Variants in ANAPC7 observed in about 807,000 individuals in gnomAD.
ANAPC7 encodes anaphase-promoting complex subunit 7.
Under a neutral mutation model 63.3 loss-of-function variants are expected in ANAPC7, and 25 were observed. That is an observed-to-expected ratio of 0.39 (90% confidence interval 0.29 to 0.55). ANAPC7 has a LOEUF of 0.55. Ranked by LOEUF, ANAPC7 falls within the 20% of genes least tolerant of loss-of-function variation. The pLI is 0.57. For synonymous variants in ANAPC7, 241 were observed against 251.7 expected (o/e 0.96, Z 0.40); for missense variants, 516 against 691.7 (o/e 0.75, Z 2.85).
chr12:110,377,970 G>A (rs1881443441), intron 8 of ANAPC7: 1 of 403,236 alleles, frequency 2.5e-6, no homozygotes, highest in Non-Finnish European at 3.9e-6. Flanking sequence ...GATCAAAGTA[G>A]TGAGAGATGA....
chr12:110,386,316 G>T lies in ANAPC7; in HGVS notation c.817+11C>A, dbSNP rs368232311. The T allele has an allele frequency of 1.2e-6, 2 of 1,613,530 alleles. No individual in the cohort carries two copies. The highest frequency in any genetic ancestry group is 1.3e-5 in the African/African-American group (1 of 74,896). On this transcript the variant is annotated intron_variant, in intron 6 of 10. Coordinates refer to ENST00000455511, the MANE Select transcript of ANAPC7 (RefSeq NM_016238.3). ...AACAGCCACTGTCTTCCTGCCCCAAGAATTACTTACCTTTTATCAGATAAG... is the reference window on the plus strand; with the variant it reads ...AACAGCCACTGTCTTCCTGCCCCAATAATTACTTACCTTTTATCAGATAAG...
At chr12:110,381,431 G>A (rs867427421) in intron 8 of ANAPC7, among the ~76,000 whole-genome samples, 69 of 152,254 alleles carry the variant, frequency 4.5e-4, no homozygotes, top group African/African-American at 1.5e-3. Flanking sequence ...CCGCCTCCCA[G>A]GTTCAAGTGA....
intron 3 of ANAPC7, 85 bp from the exon 4 acceptor site, chr12:110,388,708 A>G (rs1406060584): frequency 1.0e-6 from 1 of 997,486 alleles, no homozygotes; most frequent in African/African-American, 1.6e-5. Context: ...AATTTTCATT[A>G]CCAGTTATTT....
At chr12:110,382,461 A>ATATATATATATATAT (rs1321570855) in intron 7 of ANAPC7, among the ~76,000 whole-genome samples, 3 of 30,838 alleles carry the variant, frequency 9.7e-5, no homozygotes, top group East Asian at 7.2e-4. Flanking sequence ...AAAAAAAAAA[A>ATATATATATATATAT]ATATATATAT....
chr12:110,386,576 A>G lies in ANAPC7; in HGVS notation c.675-107T>C, dbSNP rs972916648. ...AGATACTATTTTCTTTTGCATAAAT[A>G]TAAAATTCTTCGTAATAAAAAACTT... On this transcript the variant is annotated intron_variant, in intron 5 of 10. Transcript: ENST00000455511. 2.7e-6 allele frequency: 3 copies of G among 1,095,720 alleles called. No homozygotes were observed. In the Admixed American group the frequency reaches 7.4e-5, roughly 27 times the overall value. The allele number at this position is 1,095,720 out of a possible 1,614,324, so 67.9% of individuals were successfully genotyped here.
At chr12:110,382,092 T>C (rs1881910605) in intron 7 of ANAPC7, 144 bp from the exon 8 acceptor site, 1 of 824,066 alleles carries the variant, frequency 1.2e-6, no homozygotes, top group South Asian at 2.5e-5. Context: ...TAACCTAAGA[T>C]ATTAGTAGAA....
intron 3 of ANAPC7, among the ~76,000 whole-genome samples, chr12:110,391,903 C>T (rs1260821055): frequency 2.0e-5 from 3 of 151,954 alleles, no homozygotes; most frequent in Non-Finnish European, 4.4e-5. Context: ...ACCATCCTGG[C>T]CAACATGGTG....
chr12:110,375,441 A>C (rs985349858), intron 10 of ANAPC7: 46 of 985,332 alleles, frequency 4.7e-5, no homozygotes, highest in Non-Finnish European at 5.3e-5. Flanking sequence ...CCTTACAGAC[A>C]CACAGACAAC....
At chr12:110,387,591 A>G in intron 5 of ANAPC7, 148 bp downstream of exon 5, 1 of 863,174 alleles carries the variant, frequency 1.2e-6, no homozygotes, top group Non-Finnish European at 1.8e-6. Context: ...ATTTGGGACC[A>G]TTCAGTATAA....
Position 110,387,777 on chromosome 12 carries a change from C to T in ANAPC7, c.636G>A (p.Val212=), listed in dbSNP as rs1341619399. The change falls in exon 5 of 11, where the codon GTG becomes GTA. Residue 212 remains valine, a synonymous_variant. Transcript: ENST00000455511. The part of the protein sequence containing the change: ...LSVWIKAYAF[V]HTGDNSRAIS... The stretch of plus-strand genomic sequence containing the variant: ...TTGCTCTTGAGTTGTCACCAGTGTG[C>T]ACAAAAGCATACGCTTTGATCCACA... 1 of 1,614,016 alleles carries T rather than the reference C, an allele frequency of 6.2e-7. No individual in the cohort carries two copies. Among genetic ancestry groups the T allele is most frequent in the Admixed American group, 1.7e-5 (1 of 59,998 alleles).
In ANAPC7 at chr12:110,403,352, G is replaced by A. The variant is rs1055682889; in HGVS notation, c.101+175C>T. Among the ~76,000 whole-genome samples the A allele has an allele frequency of 3.3e-5, 5 of 152,056 alleles. No individual in the cohort carries two copies. In the East Asian group the frequency reaches 9.7e-4, roughly 29 times the overall value. On this transcript the variant is annotated intron_variant, in intron 1 of 10. Transcript: ENST00000455511. ...GCGGGACTTGACGCCGGCACCCAGT[G>A]AACCCAACTTGCGCTCCGAAGTCTG...
At chr12:110,390,333 C>CA (rs1462109951) in intron 3 of ANAPC7, among the ~76,000 whole-genome samples, 3 of 152,134 alleles carry the variant, frequency 2.0e-5, no homozygotes, top group African/African-American at 4.8e-5. Flanking sequence ...CTCGGCCTCC[C>CA]AAAGTGCTGG....
rs1403249169 is a variant in ANAPC7 at position 110,373,411 on chromosome 12, G to A, written c.*733C>T. ...AATTCTGGGGCTGAATCAATGCATTGCGAATAAGACAAAAATACTAAGAGT... is the reference window on the plus strand; with the variant it reads ...AATTCTGGGGCTGAATCAATGCATTACGAATAAGACAAAAATACTAAGAGT... On this transcript the variant is annotated 3_prime_UTR_variant, in exon 11 of 11. Transcript: ENST00000455511. The A allele has an allele frequency of 6.6e-6, 1 of 152,122 alleles. No homozygotes were observed. Among genetic ancestry groups the A allele is most frequent in the Non-Finnish European group, 1.5e-5 (1 of 68,030 alleles). The allele number at this position is 152,122 out of a possible 1,614,324, so 9.4% of individuals were successfully genotyped here. A position where few individuals can be genotyped will look rare whatever the true frequency, so the allele number is the denominator to read the frequency against.
intron 7 of ANAPC7, among the ~76,000 whole-genome samples, chr12:110,382,436 C>A (rs1272437968): frequency 4.2e-5 from 2 of 47,466 alleles, no homozygotes; most frequent in Non-Finnish European, 7.7e-5. Flanking sequence ...GGCTGATTAT[C>A]CTTTTAAAAA....
intron 6 of ANAPC7, chr12:110,383,193 C>T (rs1433418913): frequency 5.0e-6 from 2 of 401,108 alleles, no homozygotes; most frequent in African/African-American, 2.0e-5. Context: ...AATTCCAGCA[C>T]TTTAAGAAGC....
At chr12:110,401,817 C>CA (rs1192982217) in intron 1 of ANAPC7, among the ~76,000 whole-genome samples, 2 of 151,734 alleles carry the variant, frequency 1.3e-5, no homozygotes, top group African/African-American at 2.4e-5. Flanking sequence ...ACTAAAAATA[C>CA]AAAAAAATTA....
Position 110,381,785 on chromosome 12 carries a change from G to C in ANAPC7, c.1099C>G (p.Arg367Gly). The part of the protein sequence containing the change: ...EAIIHFREAI[R>G]LAPCRLDCYE... ...CAATCTAAGCGACAAGGTGCGAGCC[G>C]TATGGCCTCCCGAAAGTGGATTATT... The change falls in exon 8 of 11, where the codon CGG becomes GGG. Residue 367 changes from arginine (R) to glycine (G), a missense_variant. By Grantham distance (125) the Arg-to-Gly change is moderately radical. This residue lies in a region of ANAPC7 where 199 missense variants were observed against 249.3 expected (regional missense o/e 0.80). Coordinates refer to ENST00000455511, the MANE Select transcript of ANAPC7 (RefSeq NM_016238.3). The C allele has an allele frequency of 1.2e-6, 2 of 1,613,736 alleles. No homozygotes were observed. The highest frequency in any genetic ancestry group is 1.7e-6 in the Non-Finnish European group (2 of 1,180,008).
chr12:110,397,304 C>T (rs1160155171), intron 1 of ANAPC7, among the ~76,000 whole-genome samples: 1 of 152,058 alleles, frequency 6.6e-6, no homozygotes, highest in East Asian at 1.9e-4. Flanking sequence ...CCTGTAACCC[C>T]ACCACTTTGG....
chr12:110,403,642 C>G lies in ANAPC7; in HGVS notation c.-15G>C. The G allele has an allele frequency of 2.5e-6, 4 of 1,586,078 alleles. No individual in the cohort carries two copies. The highest frequency in any genetic ancestry group is 3.3e-4 in the Middle Eastern group (2 of 6,020). Reference sequence around the variant, plus strand: ...ATCACATTCATCCTGCTCTGCAAAGCCGCGGGCAGCGGCGGCAGCACTGAC... The same window carrying G: ...ATCACATTCATCCTGCTCTGCAAAGGCGCGGGCAGCGGCGGCAGCACTGAC... On this transcript the variant is annotated 5_prime_UTR_variant, in exon 1 of 11. Coordinates refer to ENST00000455511, the MANE Select transcript of ANAPC7 (RefSeq NM_016238.3).
Sources: allele counts gnomAD v4.1 joint callset (sites outside exome capture counted in the v4.1 genomes callset), GRCh38; gene constraint gnomAD v4.1.1; regional missense constraint gnomAD v4.1.1; transcripts MANE v1.5; gene names NCBI Gene and HGNC (gene_info 2026-07-23, HGNC 2026-07-21).